PXDNL: variants seen among roughly 807,000 people sequenced by gnomAD.
PXDNL encodes the protein probable oxidoreductase PXDNL.
Under a neutral mutation model 150.8 loss-of-function variants are expected in PXDNL, and 145 were observed. That is an observed-to-expected ratio of 0.96 (90% CI 0.84 to 1.10). The LOEUF is 1.10. PXDNL is among the 50% of genes least tolerant of loss of function. The pLI is 0.00. For missense variants in PXDNL, 2,087 were observed against 1,873.9 expected (o/e 1.11, Z -2.10); for synonymous variants, 757 against 725.7 (o/e 1.04, Z -0.69).
chr8:51,691,352 T>G (rs1339593841), intron 1 of PXDNL, among the ~76,000 whole-genome samples: 1 of 152,188 alleles, frequency 6.6e-6, no homozygotes, highest in East Asian at 1.9e-4. Context: ...TTGTATAAGG[T>G]GTAAGGAAGG....
chr8:51,631,713 G>A (rs1053875039), intron 2 of PXDNL, among the ~76,000 whole-genome samples: 1 of 151,946 alleles, frequency 6.6e-6, no homozygotes, highest in African/African-American at 2.4e-5. Flanking sequence ...TAAAATAATA[G>A]CTATAAATTT....
chr8:51,734,606 C>G (rs1341287834), intron 1 of PXDNL, among the ~76,000 whole-genome samples: 1 of 152,170 alleles, frequency 6.6e-6, no homozygotes, highest in Non-Finnish European at 1.5e-5. Flanking sequence ...TTTTGCCTAG[C>G]AATTTCAAAC....
rs552814090 is a variant in PXDNL at position 51,720,536 on chromosome 8, T to C, written c.165-65776A>G. 6.6e-5 allele frequency among the ~76,000 whole-genome samples: 10 copies of C among 152,302 alleles called. No homozygotes were observed. The East Asian group carries it at 1.5e-3, about 23-fold the overall frequency. On this transcript the variant is annotated intron_variant, in intron 1 of 22. Coordinates refer to ENST00000356297, the MANE Select transcript of PXDNL (RefSeq NM_144651.5). ...TTTATACATAGTATTTTTATTTTTA[T>C]TAACCAAAATTTTAAAAAGAAATGT...
At chr8:51,807,795 C>T (rs1225072622) in intron 1 of PXDNL, among the ~76,000 whole-genome samples, 1 of 152,138 alleles carries the variant, frequency 6.6e-6, no homozygotes, top group Non-Finnish European at 1.5e-5. Context: ...AAATTTAGGT[C>T]GAGTTGTACC....
intron 20 of PXDNL, among the ~76,000 whole-genome samples, chr8:51,341,946 C>T (rs941603029): frequency 6.6e-6 from 1 of 152,158 alleles, no homozygotes; most frequent in African/African-American, 2.4e-5. Context: ...AGCAATCCCA[C>T]GCCTGGGTAT....
At chr8:51,359,321 G>C (rs1266911875) in intron 19 of PXDNL, among the ~76,000 whole-genome samples, 2 of 152,106 alleles carry the variant, frequency 1.3e-5, no homozygotes, top group African/African-American at 2.4e-5. Flanking sequence ...CAATGCTGCA[G>C]AAAATGATGT....
intron 1 of PXDNL, among the ~76,000 whole-genome samples, chr8:51,709,029 A>G (rs1028678917): frequency 6.6e-6 from 1 of 152,116 alleles, no homozygotes; most frequent in Non-Finnish European, 1.5e-5. Flanking sequence ...GCAGACTGCT[A>G]AGGGATGAAG....
intron 19 of PXDNL, among the ~76,000 whole-genome samples, chr8:51,357,676 A>G (rs1228131779): frequency 6.6e-6 from 1 of 152,238 alleles, no homozygotes; most frequent in East Asian, 1.9e-4. Flanking sequence ...AGAAGTTGGC[A>G]ACACCAGAGT....
intron 21 of PXDNL, among the ~76,000 whole-genome samples, chr8:51,334,497 T>G (rs1287992606): frequency 1.3e-5 from 2 of 151,332 alleles, no homozygotes; most frequent in African/African-American, 2.4e-5. Flanking sequence ...AAATCAAAAC[T>G]AAAAAAAGTA....
chr8:51,392,132 G>T (rs2130841539), intron 17 of PXDNL, among the ~76,000 whole-genome samples: 1 of 152,266 alleles, frequency 6.6e-6, no homozygotes, highest in Non-Finnish European at 1.5e-5. Flanking sequence ...TGCTGTTTTG[G>T]TTACTGTGGC....
intron 21 of PXDNL, among the ~76,000 whole-genome samples, chr8:51,334,552 T>A (rs950243883): frequency 6.6e-6 from 1 of 151,854 alleles, no homozygotes; most frequent in Admixed American, 6.6e-5. Flanking sequence ...AAAAGATAAA[T>A]AAAATTGATA....
intron 1 of PXDNL, among the ~76,000 whole-genome samples, chr8:51,808,630 T>TAA (rs1163940963): frequency 2.0e-5 from 3 of 152,192 alleles, no homozygotes; most frequent in Admixed American, 6.5e-5. Flanking sequence ...ACAAGGCTTT[T>TAA]AAGCATTCAA....
In PXDNL at chr8:51,592,611, T is replaced by C. The variant is rs1210424379; in HGVS notation, c.308+16A>G. On this transcript the variant is annotated intron_variant, in intron 3 of 22. Transcript: ENST00000356297. ...AACAACACCATAAGGCATTGTTGTT[T>C]TTTCTTATAACTTACAGATATAGCA... 3.3e-6 allele frequency: 5 copies of C among 1,517,722 alleles called. No individual in the cohort carries two copies. Among genetic ancestry groups the C allele is most frequent in the Non-Finnish European group, 4.5e-6 (5 of 1,123,270 alleles). The allele number at this position is 1,517,722 out of a possible 1,614,324, so 94.0% of individuals were successfully genotyped here.
At chr8:51,419,884 A>C (rs1808901887) in intron 14 of PXDNL, among the ~76,000 whole-genome samples, 3 of 152,216 alleles carry the variant, frequency 2.0e-5, no homozygotes, top group Non-Finnish European at 4.4e-5. Flanking sequence ...CCTAAACAAA[A>C]GGATAGATTC....
chr8:51,594,460 T>G (rs989293878), intron 2 of PXDNL, among the ~76,000 whole-genome samples: 5 of 152,210 alleles, frequency 3.3e-5, no homozygotes, highest in African/African-American at 1.2e-4. Flanking sequence ...TAATTAGTCT[T>G]TCTTCAGTAT....
chr8:51,495,645 T>A (rs1358508616), intron 5 of PXDNL, among the ~76,000 whole-genome samples: 1 of 152,144 alleles, frequency 6.6e-6, no homozygotes. Flanking sequence ...GAGAATACTA[T>A]AAACACCTCT....
intron 1 of PXDNL, among the ~76,000 whole-genome samples, chr8:51,766,710 G>A (rs1019309199): frequency 6.6e-6 from 1 of 151,774 alleles, no homozygotes; most frequent in East Asian, 1.9e-4. Context: ...TAGTTTTATT[G>A]AGGATTACTT....
rs201820846 is a variant in PXDNL, at chr8:51,742,574, G to GT, written c.164+66606dup. Among the ~76,000 whole-genome samples, 1,302 of 151,814 alleles carry GT rather than the reference G, an allele frequency of 8.6e-3. 16 individuals are homozygous for GT. Among genetic ancestry groups the GT allele is most frequent in the African/African-American group, 0.03 (1,237 of 41,410 alleles). On this transcript the variant is annotated intron_variant, in intron 1 of 22. Transcript: ENST00000356297. ...TGGGAATCCACAGTTATCTCAAGCA[G>GT]TTTTTTAAATTTAGACAAAAAGGGG...
At chr8:51,613,434 C>T (rs956468062) in intron 2 of PXDNL, among the ~76,000 whole-genome samples, 6 of 125,768 alleles carry the variant, frequency 4.8e-5, no homozygotes, top group South Asian at 2.4e-4. Flanking sequence ...CGTGATCACC[C>T]AGAGATTTTA....
Sources: gnomAD v4.1 joint callset for allele counts (sites outside exome capture counted in the v4.1 genomes callset) on GRCh38, gnomAD v4.1.1 for gene constraint, MANE v1.5 for transcripts, NCBI Gene and HGNC (gene_info 2026-07-23, HGNC 2026-07-21) for gene names.